PIAS2: variants seen among roughly 807,000 people sequenced by gnomAD.
PIAS2 encodes protein inhibitor of activated STAT 2.
Under a neutral mutation model 69.7 loss-of-function variants are expected in PIAS2, and 19 were observed. The observed-to-expected ratio is 0.27, with a 90% CI of 0.19 to 0.40. The LOEUF (loss-of-function observed/expected upper bound fraction) is 0.40, where lower values mean the gene tolerates loss of function less well. Among genes scored for constraint, PIAS2 ranks in the 10% least tolerant of loss-of-function variants. The pLI is 1.00. For missense variants in PIAS2, 624 were observed against 757.0 expected (o/e 0.82, Z 2.06); for synonymous variants, 261 against 263.2 (o/e 0.99, Z 0.08).
chr18:46,859,964 G>A (rs2048415702), intron 3 of PIAS2, among the ~76,000 whole-genome samples: 1 of 152,150 alleles, frequency 6.6e-6, no homozygotes, highest in African/African-American at 2.4e-5. Flanking sequence ...AGTACCAAAT[G>A]GAAGGAGCAG....
At chr18:46,848,732 C>G (rs2046518352) in intron 5 of PIAS2, among the ~76,000 whole-genome samples, 1 of 150,730 alleles carries the variant, frequency 6.6e-6, no homozygotes, top group East Asian at 1.9e-4. Flanking sequence ...ACTTCAATAA[C>G]TTGCATTATA....
intron 11 of PIAS2, chr18:46,827,322 G>A (rs2042966416): frequency 6.6e-6 from 1 of 152,088 alleles, no homozygotes; most frequent in South Asian, 2.1e-4. Context: ...GGTCAGTAAT[G>A]CCTTCTGCCA....
intron 11 of PIAS2, among the ~76,000 whole-genome samples, chr18:46,823,610 A>G (rs955382531): frequency 6.6e-6 from 1 of 152,226 alleles, no homozygotes; most frequent in Non-Finnish European, 1.5e-5. Context: ...CTTAGGCAAC[A>G]CCAAAAGGTT....
intron 1 of PIAS2, chr18:46,915,105 C>T (rs1396354295): frequency 1.3e-5 from 2 of 151,852 alleles, no homozygotes; most frequent in Non-Finnish European, 1.5e-5. Flanking sequence ...GTAGCCCGGG[C>T]TCTGAAAAGC....
At chr18:46,832,319 G>A (rs567451194) in intron 9 of PIAS2, among the ~76,000 whole-genome samples, 1 of 152,160 alleles carries the variant, frequency 6.6e-6, no homozygotes, top group African/African-American at 2.4e-5. Flanking sequence ...GGAGGCTGAG[G>A]CAGGAGAATT....
upstream of PIAS2, among the ~76,000 whole-genome samples, chr18:46,918,962 G>A (rs1228157197): frequency 1.3e-5 from 2 of 151,478 alleles, no homozygotes; most frequent in Non-Finnish European, 2.9e-5. Context: ...AGGTATTTGT[G>A]TAATTGTTTA....
At chr18:46,907,288 A>G (rs2056734758) in intron 1 of PIAS2, among the ~76,000 whole-genome samples, 1 of 152,254 alleles carries the variant, frequency 6.6e-6, no homozygotes. Flanking sequence ...CACTTTACAA[A>G]AGAAACCCAA....
At chr18:46,848,025 T>C (rs1427734237) in intron 5 of PIAS2, among the ~76,000 whole-genome samples, 1 of 152,210 alleles carries the variant, frequency 6.6e-6, no homozygotes, top group African/African-American at 2.4e-5. Flanking sequence ...TATGTATATA[T>C]GGCAAAGAAA....
intron 11 of PIAS2, among the ~76,000 whole-genome samples, chr18:46,826,488 C>A (rs1460773358): frequency 1.3e-5 from 2 of 152,216 alleles, no homozygotes; most frequent in African/African-American, 4.8e-5. Flanking sequence ...GTACTTGCAA[C>A]TCATGTTTTT....
chr18:46,810,994 G>A lies in PIAS2; in HGVS notation c.*1439C>T, dbSNP rs1209512222. 6.6e-6 allele frequency: 1 copy of A among 152,090 alleles called. No homozygotes were observed. Among genetic ancestry groups the A allele is most frequent in the Admixed American group, 6.6e-5 (1 of 15,256 alleles). The allele number at this position is 152,090 out of a possible 1,614,324, so 9.4% of individuals were successfully genotyped here. A position where few individuals can be genotyped will look rare whatever the true frequency, so the allele number is the denominator to read the frequency against. The stretch of plus-strand genomic sequence containing the variant: ...AAAATGATTTAGGAAGTCAAATGAA[G>A]CAAACTAAAAAACTGGATGAAAATG... On this transcript the variant is annotated 3_prime_UTR_variant, in exon 14 of 14. Coordinates refer to ENST00000585916, the MANE Select transcript of PIAS2 (RefSeq NM_004671.5).
rs151109124 is a variant in PIAS2, at chr18:46,836,423, T to G, written c.1136A>C (p.Lys379Thr). Residue 379 changes from lysine (K) to threonine (T), a missense_variant, in exon 9 of 14, where the codon AAA (lysine) becomes ACA (threonine). By Grantham distance (78) the Lys-to-Thr change is moderately conservative (BLOSUM62 -1). Around this residue, in one of 3 missense-constraint regions of PIAS2, gnomAD observed 44 missense variants for 90.9 expected, o/e 0.48. Coordinates refer to ENST00000585916, the MANE Select transcript of PIAS2 (RefSeq NM_004671.5). ...DAALYLQMNE[K>T]KPTWICPVCD... is the part of the protein sequence containing the mutation. Reference sequence around the variant, plus strand: ...CACAGGACAAATCCAGGTGGGCTTTTTCTCATTCATTTGTAGATAGAGGGC... The same window carrying G: ...CACAGGACAAATCCAGGTGGGCTTTGTCTCATTCATTTGTAGATAGAGGGC... 11 of 1,613,920 alleles carry G rather than the reference T, an allele frequency of 6.8e-6. No homozygotes were observed. Among genetic ancestry groups the G allele is most frequent in the Admixed American group, 1.7e-5 (1 of 60,004 alleles).
At position 46,809,048 on chromosome 18, in the gene PIAS2, A is replaced by G. The variant is rs1277677207; in HGVS notation, c.*3385T>C. On this transcript the variant is annotated 3_prime_UTR_variant, in exon 14 of 14. Transcript: ENST00000585916. ...TCTGAAAGGTCTGAATGTCAAAGTCAGAACAGTCTCTGGTCAATCCTACTT... is the reference window on the plus strand; with the variant it reads ...TCTGAAAGGTCTGAATGTCAAAGTCGGAACAGTCTCTGGTCAATCCTACTT... 2.0e-5 allele frequency: 3 copies of G among 152,330 alleles called. No homozygotes were observed. The East Asian group carries it at 5.8e-4, about 29-fold the overall frequency. 9.4% of individuals were successfully genotyped at this position (152,330 alleles called of 1,614,324 possible).
intron 11 of PIAS2, among the ~76,000 whole-genome samples, chr18:46,821,634 A>T (rs2042192834): frequency 6.6e-6 from 1 of 152,098 alleles, no homozygotes; most frequent in Non-Finnish European, 1.5e-5. Flanking sequence ...CACAATCAGA[A>T]ACGAGGATGA....
At chr18:46,868,174 C>T (rs2049784457) in intron 2 of PIAS2, among the ~76,000 whole-genome samples, 1 of 152,212 alleles carries the variant, frequency 6.6e-6, no homozygotes, top group Admixed American at 6.5e-5. Context: ...AAATTCCTGA[C>T]CTAAGGAATC....
intron 3 of PIAS2, among the ~76,000 whole-genome samples, chr18:46,856,284 G>A (rs1285332210): frequency 6.6e-6 from 1 of 151,880 alleles, no homozygotes; most frequent in East Asian, 1.9e-4. Flanking sequence ...ACAGGCATGA[G>A]ACACTGCACC....
At chr18:46,879,090 T>C (rs1252289865) in intron 2 of PIAS2, among the ~76,000 whole-genome samples, 1 of 152,234 alleles carries the variant, frequency 6.6e-6, no homozygotes, top group African/African-American at 2.4e-5. Flanking sequence ...GATCCTGAGC[T>C]ATCCGGTTCT....
chr18:46,855,570 C>G lies in PIAS2; in HGVS notation c.630G>C (p.Gln210His). The change falls in exon 4 of 14, where the codon CAG becomes CAC. Residue 210 changes from glutamine to histidine, a missense_variant. Around this residue, in one of 3 missense-constraint regions of PIAS2, gnomAD observed 339 missense variants for 408.8 expected, o/e 0.83. Transcript: ENST00000585916. Reference protein sequence around the residue: ...GGRRDYTVQVQLRLCLAETSC... With the variant: ...GGRRDYTVQVHLRLCLAETSC... Reference sequence around the variant, plus strand: ...ACAGAAAATTTCAAACTCACCTCAACTGAACTTGGACTGTATAATCTCTCC... The same window carrying G: ...ACAGAAAATTTCAAACTCACCTCAAGTGAACTTGGACTGTATAATCTCTCC... 6.2e-7 allele frequency: 1 copy of G among 1,613,322 alleles called. No individual in the cohort carries two copies. Among genetic ancestry groups the G allele is most frequent in the Admixed American group, 1.7e-5 (1 of 59,996 alleles).
chr18:46,846,854 G>A lies in PIAS2; in HGVS notation c.727-13C>T. The A allele has an allele frequency of 6.5e-7, 1 of 1,535,344 alleles. No individual in the cohort carries two copies. The highest frequency in any genetic ancestry group is 8.7e-7 in the Non-Finnish European group (1 of 1,143,704). On this transcript the variant is annotated splice_polypyrimidine_tract_variant and intron_variant, in intron 5 of 13. Transcript: ENST00000585916. ...GTGGTGCATAGCCCTATAACCGTAAGAAAGAAAAATTATTTCAAATCATCT... is the reference window on the plus strand; with the variant it reads ...GTGGTGCATAGCCCTATAACCGTAAAAAAGAAAAATTATTTCAAATCATCT...
chr18:46,864,216 ACTT>A lies in PIAS2; in HGVS notation c.529_531del (p.Lys177del). On this transcript the variant is annotated inframe_deletion, in exon 3 of 14. Coordinates refer to ENST00000585916, the MANE Select transcript of PIAS2 (RefSeq NM_004671.5). ...TGAGGTGTCAAAGCAAAAATAAAAA[ACTT>A]CTCTTGAAATCGCTGAATACTGCTT... The A allele has an allele frequency of 6.3e-7, 1 of 1,598,868 alleles. No individual in the cohort carries two copies. Among genetic ancestry groups the A allele is most frequent in the Non-Finnish European group, 8.5e-7 (1 of 1,173,224 alleles).
Sources: gnomAD v4.1 joint callset for allele counts (sites outside exome capture counted in the v4.1 genomes callset) on GRCh38, gnomAD v4.1.1 for gene constraint, gnomAD v4.1.1 regional missense constraint, MANE v1.5 for transcripts, NCBI Gene and HGNC (gene_info 2026-07-23, HGNC 2026-07-21) for gene names.